CDK8: variants seen among roughly 807,000 people sequenced by gnomAD.
CDK8 encodes the protein cyclin dependent kinase 8, also known as cyclin-dependent kinase 8.
A neutral mutation model predicts 71.5 loss-of-function variants in CDK8; 29 were observed. The ratio of observed to expected loss-of-function variants is 0.41; its 90% CI spans 0.30 to 0.55. The LOEUF (loss-of-function observed/expected upper bound fraction) is 0.55, where lower values mean the gene tolerates loss of function less well. Ranked by LOEUF, CDK8 falls within the 20% of genes least tolerant of loss-of-function variation. The pLI, the probability that CDK8 is intolerant of heterozygous loss-of-function variation, is 0.37. For synonymous variants in CDK8, 161 were observed against 192.1 expected (o/e 0.84, Z 1.34); for missense variants, 288 against 572.6 (o/e 0.50, Z 5.07).
At chr13:26,382,095 C>T (rs767831678) in intron 4 of CDK8, among the ~76,000 whole-genome samples, 13 of 152,120 alleles carry the variant, frequency 8.5e-5, no homozygotes, top group Non-Finnish European at 1.8e-4. Flanking sequence ...CTCCTTACTC[C>T]TTCTGCTCTT....
At chr13:26,297,451 C>G (rs1593247194) in intron 1 of CDK8, among the ~76,000 whole-genome samples, 1 of 152,122 alleles carries the variant, frequency 6.6e-6, no homozygotes, top group African/African-American at 2.4e-5. Context: ...TTGATTGAAG[C>G]TCCCTCCTTC....
intron 1 of CDK8, among the ~76,000 whole-genome samples, chr13:26,322,000 C>CTTG (rs900998295): frequency 1.3e-5 from 2 of 152,066 alleles, no homozygotes; most frequent in Admixed American, 1.3e-4. Context: ...TGCCTAGTAT[C>CTTG]TTGACATACA....
intron 1 of CDK8, among the ~76,000 whole-genome samples, chr13:26,287,012 G>A (rs910077010): frequency 6.6e-6 from 1 of 152,188 alleles, no homozygotes; most frequent in African/African-American, 2.4e-5. Flanking sequence ...ACAGATGTTG[G>A]TGTAGATGTG....
chr13:26,373,386 A>G (rs1301523832), intron 4 of CDK8, among the ~76,000 whole-genome samples: 1 of 152,214 alleles, frequency 6.6e-6, no homozygotes, highest in Admixed American at 6.5e-5. Flanking sequence ...GTATGAATGA[A>G]GGAACACTAA....
intron 1 of CDK8, among the ~76,000 whole-genome samples, chr13:26,272,535 A>G (rs2137873112): frequency 6.6e-6 from 1 of 152,312 alleles, no homozygotes; most frequent in Non-Finnish European, 1.5e-5. Flanking sequence ...GCAGTTTTAC[A>G]GTTAATTTTA....
chr13:26,339,493 G>A (rs2137976496), intron 2 of CDK8, among the ~76,000 whole-genome samples: 1 of 151,702 alleles, frequency 6.6e-6, no homozygotes, highest in South Asian at 2.1e-4. Context: ...AAGACTTGAA[G>A]CCAGGTGGTG....
intron 1 of CDK8, among the ~76,000 whole-genome samples, chr13:26,269,500 A>G (rs9507694): frequency 0.054 from 8,144 of 152,092 alleles, 260 homozygotes; most frequent in South Asian, 0.07. Flanking sequence ...AAGGAAATCG[A>G]TCAAAGTAGC....
intron 1 of CDK8, among the ~76,000 whole-genome samples, chr13:26,285,873 T>G (rs1465679720): frequency 6.6e-6 from 1 of 152,014 alleles, no homozygotes; most frequent in Non-Finnish European, 1.5e-5. Flanking sequence ...AATCAAGGAC[T>G]AAAACCCCTT....
At chr13:26,267,153 A>G (rs1405106202) in intron 1 of CDK8, among the ~76,000 whole-genome samples, 1 of 150,184 alleles carries the variant, frequency 6.7e-6, no homozygotes, top group Non-Finnish European at 1.5e-5. Flanking sequence ...TGCATATATT[A>G]ATAAATATGT....
chr13:26,301,048 G>A (rs1399057827), intron 1 of CDK8, among the ~76,000 whole-genome samples: 1 of 151,984 alleles, frequency 6.6e-6, no homozygotes, highest in Admixed American at 6.6e-5. Context: ...ATAAATATGA[G>A]GTAATGAGTC....
At chr13:26,263,466 A>G (rs1388652522) in intron 1 of CDK8, among the ~76,000 whole-genome samples, 1 of 142,960 alleles carries the variant, frequency 7.0e-6, no homozygotes, top group Non-Finnish European at 1.5e-5. Context: ...TTTGAGCCAG[A>G]GTTTTGCTCT....
intron 1 of CDK8, among the ~76,000 whole-genome samples, chr13:26,335,417 C>T (rs1393600362): frequency 3.3e-5 from 5 of 152,122 alleles, no homozygotes; most frequent in East Asian, 1.9e-4. Flanking sequence ...TCTTTGCTCT[C>T]GTTGAACCTA....
rs139519579 is a variant in CDK8, at chr13:26,404,258, C to T, written c.*177C>T. ...TGGGGTAGTGGCTTCCAAGTTGTAC[C>T]TATTTTGGAGTTAGACTTGAAAAGA... is the stretch of plus-strand genomic sequence containing the variant. On this transcript the variant is annotated 3_prime_UTR_variant, in exon 13 of 13. Transcript: ENST00000381527. The T allele has an allele frequency of 2.7e-4, 169 of 636,860 alleles. No homozygotes were observed. Among genetic ancestry groups the T allele is most frequent in the Non-Finnish European group, 3.7e-4 (144 of 389,510 alleles). 39.5% of individuals were successfully genotyped at this position (636,860 alleles called of 1,614,324 possible).
chr13:26,275,793 C>T (rs1023987498), intron 1 of CDK8, among the ~76,000 whole-genome samples: 2 of 152,030 alleles, frequency 1.3e-5, no homozygotes, highest in Non-Finnish European at 2.9e-5. Context: ...CTTAGATATT[C>T]ATGTTATATA....
chr13:26,265,161 T>C (rs1260115017), intron 1 of CDK8, among the ~76,000 whole-genome samples: 1 of 152,222 alleles, frequency 6.6e-6, no homozygotes, highest in Admixed American at 6.5e-5. Context: ...ATCTTCGTAC[T>C]GTTTTTTATA....
chr13:26,344,639 T>C (rs186358879), intron 2 of CDK8, among the ~76,000 whole-genome samples: 8 of 152,126 alleles, frequency 5.3e-5, no homozygotes, highest in African/African-American at 9.6e-5. Context: ...TGGTGGTGCA[T>C]GCCTGTGGAG....
chr13:26,330,371 A>G (rs561581425), intron 1 of CDK8, among the ~76,000 whole-genome samples: 2 of 151,932 alleles, frequency 1.3e-5, no homozygotes, highest in East Asian at 3.9e-4. Flanking sequence ...ATGCCTGACT[A>G]ATTTTGTGTT....
intron 4 of CDK8, among the ~76,000 whole-genome samples, chr13:26,378,316 G>A (rs1296659433): frequency 6.6e-6 from 1 of 152,122 alleles, no homozygotes; most frequent in Non-Finnish European, 1.5e-5. Context: ...AAAATCATTG[G>A]TGCACTCTCC....
At chr13:26,274,639 G>T (rs1484760595) in intron 1 of CDK8, among the ~76,000 whole-genome samples, 1 of 151,988 alleles carries the variant, frequency 6.6e-6, no homozygotes, top group East Asian at 1.9e-4. Flanking sequence ...CACGATGTTA[G>T]CCAGGATGGT....
Sources: allele counts gnomAD v4.1 joint callset (sites outside exome capture counted in the v4.1 genomes callset), GRCh38; gene constraint gnomAD v4.1.1; transcripts MANE v1.5; gene names NCBI Gene and HGNC (gene_info 2026-07-23, HGNC 2026-07-21).